Variants in ARHGAP15 observed in about 807,000 individuals in gnomAD.
ARHGAP15 encodes Rho GTPase activating protein 15, also known as rho GTPase-activating protein 15.
Under a neutral mutation model 63.7 loss-of-function variants are expected in ARHGAP15, and 51 were observed. The observed-to-expected ratio is 0.80, with a 90% CI of 0.64 to 1.01. The LOEUF (loss-of-function observed/expected upper bound fraction) is 1.01, where lower values mean the gene tolerates loss of function less well. Among genes scored for constraint, ARHGAP15 ranks in the 50% least tolerant of loss-of-function variants. ARHGAP15 has a pLI of 0.00. For synonymous variants in ARHGAP15, 191 were observed against 193.8 expected (o/e 0.99, Z 0.12); for missense variants, 560 against 564.6 (o/e 0.99, Z 0.08).
intron 13 of ARHGAP15, among the ~76,000 whole-genome samples, chr2:143,761,870 G>A (rs1262372772): frequency 6.6e-6 from 1 of 151,948 alleles, no homozygotes; most frequent in Non-Finnish European, 1.5e-5. Flanking sequence ...GCTGTAAACT[G>A]TGTATCACTT....
intron 9 of ARHGAP15, among the ~76,000 whole-genome samples, chr2:143,508,982 G>T (rs1261167137): frequency 2.0e-5 from 3 of 152,188 alleles, no homozygotes; most frequent in South Asian, 4.1e-4. Flanking sequence ...GGGCTGGGAA[G>T]AACTTTTCTC....
chr2:143,513,436 A>G (rs1381673799), intron 9 of ARHGAP15, among the ~76,000 whole-genome samples: 1 of 152,176 alleles, frequency 6.6e-6, no homozygotes, highest in Non-Finnish European at 1.5e-5. Flanking sequence ...ATCTCCACTT[A>G]TAACTAAGTA....
intron 8 of ARHGAP15, among the ~76,000 whole-genome samples, chr2:143,452,503 A>T (rs1317676799): frequency 6.6e-6 from 1 of 152,032 alleles, no homozygotes; most frequent in East Asian, 1.9e-4. Context: ...TTAAAAATGA[A>T]TGTGCTTCCC....
chr2:143,414,491 G>T (rs949171370), intron 6 of ARHGAP15, among the ~76,000 whole-genome samples: 5 of 151,842 alleles, frequency 3.3e-5, no homozygotes, highest in African/African-American at 1.2e-4. Context: ...ATTAACTCAA[G>T]AAATTGAAAT....
intron 11 of ARHGAP15, among the ~76,000 whole-genome samples, chr2:143,569,029 G>C (rs1296125728): frequency 6.6e-6 from 1 of 152,158 alleles, no homozygotes; most frequent in Non-Finnish European, 1.5e-5. Flanking sequence ...GGGGGGCAGG[G>C]GGAGGGATAG....
At chr2:143,163,713 A>G (rs1393307120) in intron 2 of ARHGAP15, among the ~76,000 whole-genome samples, 5 of 152,102 alleles carry the variant, frequency 3.3e-5, no homozygotes, top group Admixed American at 2.0e-4. Context: ...ACAGAAATCT[A>G]TAGTACCTAG....
intron 2 of ARHGAP15, among the ~76,000 whole-genome samples, chr2:143,179,026 A>G (rs1691120974): frequency 6.6e-6 from 1 of 152,232 alleles, no homozygotes; most frequent in Non-Finnish European, 1.5e-5. Flanking sequence ...ATTTGCTGCC[A>G]TGCTAAGGTG....
intron 2 of ARHGAP15, among the ~76,000 whole-genome samples, chr2:143,161,158 C>G (rs1410744304): frequency 6.6e-6 from 1 of 151,912 alleles, no homozygotes; most frequent in East Asian, 1.9e-4. Flanking sequence ...TGATAGTTGT[C>G]GGCACAAAGC....
At chr2:143,605,858 C>CAAAAAA (rs373847590) in intron 11 of ARHGAP15, among the ~76,000 whole-genome samples, 3,949 of 84,914 alleles carry the variant, frequency 0.047, 241 homozygotes, top group Non-Finnish European at 0.061. Context: ...TACTAAAATA[C>CAAAAAA]AAAAAAAAAA....
intron 11 of ARHGAP15, among the ~76,000 whole-genome samples, chr2:143,623,009 T>G (rs1698698463): frequency 1.3e-5 from 2 of 152,166 alleles, no homozygotes; most frequent in South Asian, 4.1e-4. Context: ...AAATTTTCAG[T>G]TGACCAAATA....
At chr2:143,581,985 A>C (rs999779689) in intron 11 of ARHGAP15, among the ~76,000 whole-genome samples, 3 of 151,900 alleles carry the variant, frequency 2.0e-5, no homozygotes, top group African/African-American at 7.3e-5. Context: ...GCCATTTAGC[A>C]CTCTTTTATT....
chr2:143,423,147 G>T (rs1689000046), intron 6 of ARHGAP15, among the ~76,000 whole-genome samples: 1 of 152,098 alleles, frequency 6.6e-6, no homozygotes, highest in Admixed American at 6.6e-5. Flanking sequence ...TACCAAGATG[G>T]TGTATCATCT....
intron 6 of ARHGAP15, among the ~76,000 whole-genome samples, chr2:143,324,251 G>C (rs913797570): frequency 6.6e-6 from 1 of 152,106 alleles, no homozygotes; most frequent in Admixed American, 6.5e-5. Context: ...ATCCACTAAG[G>C]TTAATATTTT....
chr2:143,639,417 G>A (rs1680500391), intron 12 of ARHGAP15, among the ~76,000 whole-genome samples: 1 of 152,052 alleles, frequency 6.6e-6, no homozygotes, highest in African/African-American at 2.4e-5. Context: ...AGTAAAATAA[G>A]CACCAGTGAA....
chr2:143,637,882 C>CA (rs1158588337), intron 12 of ARHGAP15, among the ~76,000 whole-genome samples: 7 of 151,914 alleles, frequency 4.6e-5, no homozygotes, highest in African/African-American at 1.7e-4. Flanking sequence ...TTTAGGCAGC[C>CA]AAAAAACACA....
At chr2:143,446,845 T>C (rs984558835) in intron 8 of ARHGAP15, among the ~76,000 whole-genome samples, 4 of 147,158 alleles carry the variant, frequency 2.7e-5, no homozygotes, top group African/African-American at 1.0e-4. Context: ...GTTCTCATTG[T>C]TCAGTTCCCA....
At position 143,724,450 on chromosome 2, in the gene ARHGAP15, C is replaced by T. The variant is rs114198612; in HGVS notation, c.1244+20926C>T. ...AGGCTCTGACTGCAACCATAGAGAG[C>T]TGTACTACTACCCCTGGTGTAAAAT... is the stretch of plus-strand genomic sequence containing the variant. On this transcript the variant is annotated intron_variant, in intron 13 of 13. Coordinates refer to ENST00000295095, the MANE Select transcript of ARHGAP15 (RefSeq NM_018460.4). 2.7e-3 allele frequency among the ~76,000 whole-genome samples: 405 copies of T among 152,306 alleles called. 2 individuals carry two copies. Among genetic ancestry groups the T allele is most frequent in the South Asian group, 0.013 (62 of 4,830 alleles).
chr2:143,444,814 A>G (rs1324358441), intron 8 of ARHGAP15, among the ~76,000 whole-genome samples: 1 of 152,188 alleles, frequency 6.6e-6, no homozygotes, highest in Non-Finnish European at 1.5e-5. Flanking sequence ...ATGAACCCAG[A>G]AATACCAGAT....
At chr2:143,699,045 G>A (rs537390315) in intron 12 of ARHGAP15, among the ~76,000 whole-genome samples, 2 of 152,152 alleles carry the variant, frequency 1.3e-5, no homozygotes, top group South Asian at 4.1e-4. Context: ...TTAGTAAGCT[G>A]TTTATGAATC....
Sources: gnomAD v4.1 joint callset for allele counts (sites outside exome capture counted in the v4.1 genomes callset) on GRCh38, gnomAD v4.1.1 for gene constraint, MANE v1.5 for transcripts, NCBI Gene and HGNC (gene_info 2026-07-23, HGNC 2026-07-21) for gene names.